ZIM2: variants seen among roughly 807,000 people sequenced by gnomAD.
ZIM2 encodes the protein zinc finger protein 656.
A neutral mutation model predicts 38.6 loss-of-function variants in ZIM2; 14 were observed. That is an observed-to-expected ratio of 0.36 (90% confidence interval 0.24 to 0.57). ZIM2 has a LOEUF of 0.57. Ranked by LOEUF, ZIM2 falls within the 20% of genes least tolerant of loss-of-function variation. ZIM2 has a pLI of 0.81. For synonymous variants in ZIM2, 247 were observed against 245.8 expected, an observed-to-expected ratio of 1.00 and a Z score of -0.04; for missense variants, 680 against 695.1, an observed-to-expected ratio of 0.98 and a Z score of 0.24.
intron 1 of ZIM2, among the ~76,000 whole-genome samples, chr19:56,836,969 C>A (rs1442372414): frequency 1.7e-5 from 2 of 116,986 alleles, no homozygotes; most frequent in African/African-American, 3.6e-5. Context: ...GACTCTGTCT[C>A]AAAAAAAAAA....
chr19:56,800,535 T>C (rs2047467676), intron 9 of ZIM2, among the ~76,000 whole-genome samples: 1 of 152,126 alleles, frequency 6.6e-6, no homozygotes, highest in Non-Finnish European at 1.5e-5. Flanking sequence ...GAGAAAACAA[T>C]AATTTTATGT....
At chr19:56,799,483 A>G (rs1464412808) in intron 9 of ZIM2, 1 of 152,222 alleles carries the variant, frequency 6.6e-6, no homozygotes, top group African/African-American at 2.4e-5. Flanking sequence ...ATCGGGAAGA[A>G]TAGCTAATGC....
chr19:56,789,740 G>T (rs1345598245), intron 10 of ZIM2, 132 bp downstream of exon 10: 8 of 755,152 alleles, frequency 1.1e-5, no homozygotes, highest in Non-Finnish European at 1.5e-5. Context: ...CAGAAAAAAG[G>T]CTCAGTAAAG....
intron 9 of ZIM2, chr19:56,816,698 G>T (rs1482740003): frequency 1.2e-6 from 2 of 1,614,070 alleles, no homozygotes; most frequent in South Asian, 1.1e-5. Flanking sequence ...TGGATTTTCT[G>T]GTGCTCAATC....
intron 9 of ZIM2, chr19:56,813,239 C>A: frequency 1.0e-6 from 1 of 979,814 alleles, no homozygotes; most frequent in South Asian, 4.7e-5. Context: ...AGGTAAGGTA[C>A]CTCTGCAGAG....
intron 4 of ZIM2, 115 bp downstream of exon 4, chr19:56,824,147 G>A (rs750688117): frequency 9.9e-5 from 147 of 1,487,524 alleles, no homozygotes; most frequent in Non-Finnish European, 1.2e-4. Flanking sequence ...CATCCCCACC[G>A]CTGCCCAGGA....
chr19:56,796,536 G>A (rs1055038631), intron 9 of ZIM2, among the ~76,000 whole-genome samples: 3 of 152,180 alleles, frequency 2.0e-5, no homozygotes, highest in African/African-American at 7.2e-5. Flanking sequence ...CTAAGCTGGA[G>A]GCTGATCCCC....
chr19:56,838,991 C>T (rs2062585497), intron 1 of ZIM2, among the ~76,000 whole-genome samples: 1 of 152,154 alleles, frequency 6.6e-6, no homozygotes, highest in African/African-American at 2.4e-5. Context: ...GCCGCATCTG[C>T]CGCCAACCAA....
At chr19:56,808,349 A>AT (rs1279385139) in intron 9 of ZIM2, among the ~76,000 whole-genome samples, 1 of 151,960 alleles carries the variant, frequency 6.6e-6, no homozygotes, top group Non-Finnish European at 1.5e-5. Flanking sequence ...GTCTCCCCAG[A>AT]TTTTTTCTGT....
At chr19:56,812,634 AG>A (rs1224434586) in intron 9 of ZIM2, 7 of 985,686 alleles carry the variant, frequency 7.1e-6, no homozygotes, top group Non-Finnish European at 8.4e-6. Context: ...AAGTGATGAA[AG>A]GTTATTAGCC....
At position 56,777,568 on chromosome 19, in the gene ZIM2, C is replaced by T. The variant is rs552722110; in HGVS notation, c.835+1809G>A. 4.6e-5 allele frequency among the ~76,000 whole-genome samples: 7 copies of T among 152,250 alleles called. No homozygotes were observed. In the East Asian group the frequency reaches 1.4e-3, roughly 29 times the overall value. On this transcript the variant is annotated intron_variant, in intron 12 of 12. Transcript: ENST00000629319. Reference sequence around the variant, plus strand: ...AGAATAGCACTGCCCAGTAGAACTCCCAGTGATGATGGAAATGGTCTACAT... The same window carrying T: ...AGAATAGCACTGCCCAGTAGAACTCTCAGTGATGATGGAAATGGTCTACAT...
intron 3 of ZIM2, chr19:56,824,748 A>C: frequency 1.6e-6 from 2 of 1,237,522 alleles, no homozygotes; most frequent in Non-Finnish European, 2.3e-6. Flanking sequence ...GGACCTGTGG[A>C]TCGTAAGGAG....
chr19:56,813,559 T>C, intron 9 of ZIM2: 6 of 1,457,244 alleles, frequency 4.1e-6, no homozygotes, highest in Non-Finnish European at 5.4e-6. Context: ...AAGTCAGGTG[T>C]GTAACACACT....
chr19:56,821,305 T>C (rs978306439), intron 7 of ZIM2, among the ~76,000 whole-genome samples: 1 of 152,206 alleles, frequency 6.6e-6, no homozygotes, highest in Non-Finnish European at 1.5e-5. Flanking sequence ...CAGTCTACTC[T>C]GCAGACCCAC....
At chr19:56,832,336 C>T (rs1206963170) in intron 2 of ZIM2, among the ~76,000 whole-genome samples, 1 of 152,152 alleles carries the variant, frequency 6.6e-6, no homozygotes, top group Non-Finnish European at 1.5e-5. Flanking sequence ...CGACAGTACC[C>T]TGTGGTCACC....
Position 56,776,892 on chromosome 19 carries a change from C to A in ZIM2, c.836-1363G>T, listed in dbSNP as rs1490217995. Among the ~76,000 whole-genome samples the A allele has an allele frequency of 1.1e-4, 17 of 152,160 alleles. No homozygotes were observed. In the East Asian group the frequency reaches 3.3e-3, roughly 29 times the overall value. On this transcript the variant is annotated intron_variant, in intron 12 of 12. Coordinates refer to ENST00000629319, the MANE Select transcript of ZIM2 (RefSeq NM_001387356.1). ...CTATAGAACTGTGAAAATATACAGT[C>A]CTGGGGAGCTAGAAACACAGGATCT...
At position 56,802,345 on chromosome 19, in the gene ZIM2, A is replaced by T. The variant is rs10427089; in HGVS notation, c.491-12394T>A. ...ATGGAAACGTGAGGGAAGGCAAAAG[A>T]TAGCCCCTTTATTGAGCTCCTAAAA... On this transcript the variant is annotated intron_variant, in intron 9 of 12. Transcript: ENST00000629319. Among the ~76,000 whole-genome samples, 930 of 152,318 alleles carry T rather than the reference A, an allele frequency of 6.1e-3. 11 individuals are homozygous for T. The highest frequency in any genetic ancestry group is 0.021 in the African/African-American group (862 of 41,578).
chr19:56,813,967 T>A (rs777815653), intron 9 of ZIM2: 2 of 1,613,990 alleles, frequency 1.2e-6, no homozygotes, highest in Non-Finnish European at 1.7e-6. Context: ...ATCTTCACCT[T>A]CTTCTGGGTC....
intron 9 of ZIM2, chr19:56,811,944 T>C (rs2059568107): frequency 2.0e-6 from 2 of 985,246 alleles, no homozygotes; most frequent in Non-Finnish European, 1.2e-6. Flanking sequence ...TCATTTCTGC[T>C]TCTTGCTCTC....
Sources: gnomAD v4.1 joint callset for allele counts (sites outside exome capture counted in the v4.1 genomes callset) on GRCh38, gnomAD v4.1.1 for gene constraint, MANE v1.5 for transcripts, NCBI Gene and HGNC (gene_info 2026-07-23, HGNC 2026-07-21) for gene names.